BTN3A2: variants seen among roughly 807,000 people sequenced by gnomAD.
BTN3A2 encodes the protein butyrophilin protein.
In BTN3A2, 25 loss-of-function variants were observed where a neutral mutation model predicts 37.6. That is an observed-to-expected ratio of 0.66 (90% confidence interval 0.48 to 0.93). BTN3A2 has a LOEUF of 0.93. Ranked by LOEUF, BTN3A2 falls within the 40% of genes least tolerant of loss-of-function variation. The pLI, the probability that BTN3A2 is intolerant of heterozygous loss-of-function variation, is 0.00. For synonymous variants in BTN3A2, 122 were observed against 159.4 expected (o/e 0.77, Z 1.77); for missense variants, 266 against 410.9 (o/e 0.65, Z 3.05).
rs1760519320 is a variant in BTN3A2, at chr6:26,374,576, C to A, written c.*7-195C>A. 3 of 836,456 alleles carry A rather than the reference C, an allele frequency of 3.6e-6. No homozygotes were observed. The Admixed American group carries it at 8.0e-5, about 22-fold the overall frequency. The allele number at this position is 836,456 out of a possible 1,614,324, so 51.8% of individuals were successfully genotyped here. On this transcript the variant is annotated intron_variant, in intron 9 of 10. Coordinates refer to ENST00000377708, the MANE Select transcript of BTN3A2 (RefSeq NM_007047.5). ...AAGCCTGGCCATGCATCCTGCACCC[C>A]CCATGACACAGGGAGCCAAGCCTGA... is the stretch of plus-strand genomic sequence containing the variant.
chr6:26,369,555 A>T (rs1409277708), intron 4 of BTN3A2, among the ~76,000 whole-genome samples: 1 of 152,140 alleles, frequency 6.6e-6, no homozygotes, highest in Non-Finnish European at 1.5e-5. Context: ...GGGCAGGTTA[A>T]TTCTGAGTGA....
chr6:26,370,463 C>A lies in BTN3A2; in HGVS notation c.575C>A (p.Ala192Glu). The change falls in exon 5 of 11, where the codon GCA becomes GAA. Residue 192 changes from alanine to glutamate, a missense_variant. Transcript: ENST00000377708. ...GGAGAGAACATCCCAGCTGTGGAAGCACCTGTGGTTGCAGATGGAGTGGGC... is the reference window on the plus strand; with the variant it reads ...GGAGAGAACATCCCAGCTGTGGAAGAACCTGTGGTTGCAGATGGAGTGGGC... ...AKGENIPAVEAPVVADGVGLY... is the reference protein window; with the variant it reads ...AKGENIPAVEEPVVADGVGLY... The A allele has an allele frequency of 1.2e-6, 2 of 1,614,234 alleles. No individual in the cohort carries two copies. Among genetic ancestry groups the A allele is most frequent in the Non-Finnish European group, 1.7e-6 (2 of 1,180,040 alleles).
chr6:26,376,805 G>A lies in BTN3A2; in HGVS notation c.*1043G>A, dbSNP rs2113725223. On this transcript the variant is annotated 3_prime_UTR_variant, in exon 11 of 11. Coordinates refer to ENST00000377708, the MANE Select transcript of BTN3A2 (RefSeq NM_007047.5). ...TTGGGGTATGTAGTAAGAACGTGGA[G>A]AGGAAAAAAGTTTGGGTCAAAATGA... The A allele has an allele frequency of 1.2e-6, 2 of 1,613,660 alleles. No individual in the cohort carries two copies. Among genetic ancestry groups the A allele is most frequent in the Admixed American group, 1.7e-5 (1 of 60,012 alleles).
In BTN3A2 at chr6:26,370,553, T is replaced by C. The variant is rs1221955354; in HGVS notation, c.665T>C (p.Ile222Thr). Residue 222 changes from isoleucine to threonine, a missense_variant, in exon 5 of 11, where the codon ATC becomes ACC. Ile to Thr is a moderately conservative substitution (Grantham distance 89). Around this residue, in one of 3 missense-constraint regions of BTN3A2, gnomAD observed 204 missense variants for 232.6 expected, o/e 0.88. Coordinates refer to ENST00000377708, the MANE Select transcript of BTN3A2 (RefSeq NM_007047.5). ...GGSGEGVSCIIRNSLLGLEKT... is the reference protein window; with the variant it reads ...GGSGEGVSCITRNSLLGLEKT... ...TCCGGGGAGGGTGTATCCTGCATCA[T>C]CAGAAATTCCCTCCTCGGCCTGGAA... 1.2e-6 allele frequency: 2 copies of C among 1,614,064 alleles called. No homozygotes were observed. The highest frequency in any genetic ancestry group is 1.7e-6 in the Non-Finnish European group (2 of 1,180,034).
chr6:26,365,340 G>C lies in BTN3A2; in HGVS notation c.-79G>C. 1 of 1,536,066 alleles carries C rather than the reference G, an allele frequency of 6.5e-7. No homozygotes were observed. The highest frequency in any genetic ancestry group is 1.4e-5 in the African/African-American group (1 of 73,156). ...TTCTGTGGGCTCTGATTCTCCAATGGGAATACCAAGGGGTAAGTGCAGGAA... is the reference window on the plus strand; with the variant it reads ...TTCTGTGGGCTCTGATTCTCCAATGCGAATACCAAGGGGTAAGTGCAGGAA... On this transcript the variant is annotated 5_prime_UTR_variant, in exon 1 of 11. Transcript: ENST00000377708.
Position 26,377,147 on chromosome 6 carries a change from G to T in BTN3A2, c.*1385G>T, listed in dbSNP as rs1760760903. On this transcript the variant is annotated 3_prime_UTR_variant, in exon 11 of 11. Coordinates refer to ENST00000377708, the MANE Select transcript of BTN3A2 (RefSeq NM_007047.5). ...CCGACCTAGTGCCTGATCATTCCCTGGAGATACCACTGACCCCAGGCTTAG... is the reference window on the plus strand; with the variant it reads ...CCGACCTAGTGCCTGATCATTCCCTTGAGATACCACTGACCCCAGGCTTAG... 7.8e-7 allele frequency: 1 copy of T among 1,279,016 alleles called. No individual in the cohort carries two copies. The highest frequency in any genetic ancestry group is 1.2e-5 in the South Asian group (1 of 84,288). The allele number at this position is 1,279,016 out of a possible 1,614,324, so 79.2% of individuals were successfully genotyped here.
intron 6 of BTN3A2, 39 bp downstream of exon 6, chr6:26,373,136 C>T (rs1760289494): frequency 6.2e-7 from 1 of 1,609,536 alleles, no homozygotes; most frequent in Admixed American, 1.7e-5. Flanking sequence ...TCTTGGCTTG[C>T]ATGCCCCAGC....
At chr6:26,373,525 T>C in intron 8 of BTN3A2, 112 bp downstream of exon 8, 2 of 1,248,576 alleles carry the variant, frequency 1.6e-6, no homozygotes, top group Non-Finnish European at 2.2e-6. Flanking sequence ...TTGGATCCCT[T>C]TACCCAGAAA....
At chr6:26,371,841 G>C (rs1760147976) in intron 5 of BTN3A2, among the ~76,000 whole-genome samples, 1 of 152,074 alleles carries the variant, frequency 6.6e-6, no homozygotes, top group Non-Finnish European at 1.5e-5. Flanking sequence ...ACCACACCCA[G>C]CTAATTTTTG....
chr6:26,365,379 T>C lies in BTN3A2; in HGVS notation c.-67+27T>C, dbSNP rs1464277847. The C allele has an allele frequency of 3.3e-6, 5 of 1,535,848 alleles. No homozygotes were observed. In the African/African-American group the frequency reaches 6.8e-5, roughly 21 times the overall value. ...TAAGTGCAGGAAATTGATTAGAGCC[T>C]GGGCTACAACGCATGGGAGGAGCGG... On this transcript the variant is annotated intron_variant, in intron 1 of 10. Transcript: ENST00000377708.
chr6:26,371,996 A>C (rs1760166351), intron 5 of BTN3A2, among the ~76,000 whole-genome samples: 1 of 152,206 alleles, frequency 6.6e-6, no homozygotes, highest in East Asian at 1.9e-4. Context: ...GGTTTCTTAT[A>C]GCACTGATTA....
chr6:26,377,530 C>G lies in BTN3A2; in HGVS notation c.*1768C>G, dbSNP rs1760784212. 5 of 291,392 alleles carry G rather than the reference C, an allele frequency of 1.7e-5. No individual in the cohort carries two copies. Among genetic ancestry groups the G allele is most frequent in the South Asian group, 1.4e-4 (4 of 27,978 alleles). 18.1% of individuals were successfully genotyped at this position (291,392 alleles called of 1,614,324 possible). On this transcript the variant is annotated 3_prime_UTR_variant, in exon 11 of 11. Transcript: ENST00000377708. The stretch of plus-strand genomic sequence containing the variant: ...GTTATGAGCTTTGGTGGGTGTCACT[C>G]CTTTAATCCTCACAACACCCTGTCA...
chr6:26,366,310 AT>A (rs1762056739), intron 1 of BTN3A2, among the ~76,000 whole-genome samples: 2 of 152,134 alleles, frequency 1.3e-5, no homozygotes, highest in Admixed American at 6.5e-5. Flanking sequence ...CAATCTCTAA[AT>A]TTTTTTCTTC....
chr6:26,373,237 C>CTTTTT (rs750198408), intron 6 of BTN3A2, 39 bp from the exon 7 acceptor site: 36 of 1,352,698 alleles, frequency 2.7e-5, no homozygotes, highest in Middle Eastern at 2.1e-4. Context: ...AACAGTTCAT[C>CTTTTT]TTTTTTTTTT....
chr6:26,374,810 A>G lies in BTN3A2; in HGVS notation c.*34+12A>G. 6.6e-7 allele frequency: 1 copy of G among 1,516,372 alleles called. No homozygotes were observed. Among genetic ancestry groups the G allele is most frequent in the South Asian group, 1.1e-5 (1 of 88,952 alleles). 93.9% of individuals were successfully genotyped at this position (1,516,372 alleles called of 1,614,324 possible). On this transcript the variant is annotated intron_variant, in intron 10 of 10. Coordinates refer to ENST00000377708, the MANE Select transcript of BTN3A2 (RefSeq NM_007047.5). ...CCTCTTCAAGCCTGGTGAGTAAATCACTGCATGTTCCCTGGACCAACAACC... is the reference window on the plus strand; with the variant it reads ...CCTCTTCAAGCCTGGTGAGTAAATCGCTGCATGTTCCCTGGACCAACAACC...
chr6:26,365,778 G>A (rs554663759), intron 1 of BTN3A2, among the ~76,000 whole-genome samples: 2 of 152,064 alleles, frequency 1.3e-5, no homozygotes, highest in Admixed American at 1.3e-4. Context: ...AGAAGAAGAA[G>A]AAAAAAGAGA....
chr6:26,370,984 G>C (rs1675513465), intron 5 of BTN3A2, among the ~76,000 whole-genome samples: 1 of 152,138 alleles, frequency 6.6e-6, no homozygotes, highest in Admixed American at 6.6e-5. Flanking sequence ...AAAAGTTTTG[G>C]CCAGGCATGG....
chr6:26,374,338 T>A lies in BTN3A2; in HGVS notation c.976T>A (p.Ser326Thr). 6.2e-7 allele frequency: 1 copy of A among 1,608,526 alleles called. No homozygotes were observed. Among genetic ancestry groups the A allele is most frequent in the Non-Finnish European group, 8.5e-7 (1 of 1,178,938 alleles). The stretch of plus-strand genomic sequence containing the variant: ...TTCTTTCATTGTAGGTGGAGAGGAG[T>A]CTTCGTCCGATACCAATAAGTCAGC... ...KIQYLTRGEE[S>T]SSDTNKSA The change falls in exon 9 of 11, where the codon TCT becomes ACT. Residue 326 changes from serine to threonine, a missense_variant. Transcript: ENST00000377708.
intron 5 of BTN3A2, 129 bp downstream of exon 5, chr6:26,370,732 G>A: frequency 6.9e-7 from 1 of 1,456,952 alleles, no homozygotes; most frequent in Non-Finnish European, 9.1e-7. Flanking sequence ...AGACCTGGAG[G>A]CTCCTCTTTG....
Sources: allele counts gnomAD v4.1 joint callset (sites outside exome capture counted in the v4.1 genomes callset), GRCh38; gene constraint gnomAD v4.1.1; regional missense constraint gnomAD v4.1.1; transcripts MANE v1.5; gene names NCBI Gene and HGNC (gene_info 2026-07-23, HGNC 2026-07-21).